The following DNM3 variants were observed in gnomAD, a reference collection of about 807,000 sequenced individuals.
DNM3 encodes the protein dynamin-3.
A neutral mutation model predicts 101.6 loss-of-function variants in DNM3; 47 were observed. The ratio of observed to expected loss-of-function variants is 0.46; its 90% confidence interval spans 0.37 to 0.59. The LOEUF (loss-of-function observed/expected upper bound fraction) is 0.59. Ranked by LOEUF, DNM3 falls within the 20% of genes least tolerant of loss-of-function variation. DNM3 has a pLI of 0.00. For missense variants in DNM3, 849 were observed against 1,085.7 expected (o/e 0.78, Z 3.06); for synonymous variants, 385 against 387.9 (o/e 0.99, Z 0.09).
chr1:172,412,494 A>T lies in DNM3; in HGVS notation c.*4653A>T. 1.0e-6 allele frequency: 1 copy of T among 985,836 alleles called. No homozygotes were observed. Among genetic ancestry groups the T allele is most frequent in the Non-Finnish European group, 1.2e-6 (1 of 829,902 alleles). The allele number at this position is 985,836 out of a possible 1,614,324, so 61.1% of individuals were successfully genotyped here. A position where few individuals can be genotyped will look rare whatever the true frequency, so the allele number is the denominator to read the frequency against. On this transcript the variant is annotated 3_prime_UTR_variant, in exon 21 of 21. Coordinates refer to ENST00000627582, the MANE Select transcript of DNM3 (RefSeq NM_015569.5). ...GTTTGAAGAAGGAATATACAGAAGTAAAATCTTGTCTTCTCTGCTGATTCT... is the reference window on the plus strand; with the variant it reads ...GTTTGAAGAAGGAATATACAGAAGTTAAATCTTGTCTTCTCTGCTGATTCT...
intron 4 of DNM3, among the ~76,000 whole-genome samples, chr1:172,011,621 C>G (rs1003562999): frequency 2.6e-5 from 4 of 151,932 alleles, no homozygotes; most frequent in Admixed American, 2.6e-4. Flanking sequence ...AAAGATATGC[C>G]TGAACTCTGT....
rs779195998 is a variant in DNM3, at chr1:172,323,311, T to C, written c.1882-18T>C. 2.5e-6 allele frequency: 4 copies of C among 1,596,104 alleles called. No homozygotes were observed. The highest frequency in any genetic ancestry group is 1.7e-6 in the Non-Finnish European group (2 of 1,170,584). The stretch of plus-strand genomic sequence containing the variant: ...TTTAACATATTTCTCTTTCTTTTCC[T>C]TGCGGCTACATGCATAGGGGAACAA... On this transcript the variant is annotated intron_variant, in intron 16 of 20. Transcript: ENST00000627582.
intron 14 of DNM3, among the ~76,000 whole-genome samples, chr1:172,150,715 A>T (rs1429105920): frequency 2.0e-5 from 3 of 152,142 alleles, no homozygotes; most frequent in East Asian, 3.9e-4. Flanking sequence ...GCTTGTTATG[A>T]TGCTTCCTTG....
chr1:171,931,775 C>T lies in DNM3; in HGVS notation c.235+9954C>T, dbSNP rs116797225. Among the ~76,000 whole-genome samples the T allele has an allele frequency of 5.4e-3, 828 of 152,184 alleles. 10 individuals carry two copies. The highest frequency in any genetic ancestry group is 0.019 in the African/African-American group (783 of 41,522). The stretch of plus-strand genomic sequence containing the variant: ...TTTATAATTTGCTTTAAATATCTCA[C>T]CTGGCAGGGCTGTAGTCCTCTCCCA... On this transcript the variant is annotated intron_variant, in intron 2 of 20. Transcript: ENST00000627582.
Position 172,408,049 on chromosome 1 carries a change from G to T in DNM3, c.*208G>T. The stretch of plus-strand genomic sequence containing the variant: ...CTCAGAAACTGCTAACCTTTTAGAG[G>T]CTTTATATGTTGTACTGACCAAGGT... On this transcript the variant is annotated 3_prime_UTR_variant, in exon 21 of 21. Coordinates refer to ENST00000627582, the MANE Select transcript of DNM3 (RefSeq NM_015569.5). 7.1e-7 allele frequency: 1 copy of T among 1,417,064 alleles called. No individual in the cohort carries two copies. Among genetic ancestry groups the T allele is most frequent in the African/African-American group, 1.4e-5 (1 of 69,288 alleles). 87.8% of individuals were successfully genotyped at this position (1,417,064 alleles called of 1,614,324 possible).
intron 18 of DNM3, chr1:172,380,609 A>G (rs2068843325): frequency 6.6e-6 from 1 of 152,082 alleles, no homozygotes; most frequent in Non-Finnish European, 1.5e-5. Flanking sequence ...CGCCCCTTTG[A>G]GTTGAAGTCA....
At chr1:172,255,522 T>G (rs2062361759) in intron 15 of DNM3, among the ~76,000 whole-genome samples, 1 of 152,280 alleles carries the variant, frequency 6.6e-6, no homozygotes, top group Middle Eastern at 3.4e-3. Context: ...TATGGTAGAC[T>G]ATCATTTTTC....
chr1:172,400,195 G>C lies in DNM3; in HGVS notation c.2523-7577G>C, dbSNP rs542598776. Among the ~76,000 whole-genome samples, 24 of 152,176 alleles carry C rather than the reference G, an allele frequency of 1.6e-4. No homozygotes were observed. In the South Asian group the frequency reaches 4.8e-3, roughly 30 times the overall value. On this transcript the variant is annotated intron_variant, in intron 20 of 20. Transcript: ENST00000627582. ...AAGCGGACACTTGCCTCGCCCAGTA[G>C]CTAGTTCTCAGCACCTCCTTTCTGC...
At chr1:172,200,011 T>C (rs2060095920) in intron 14 of DNM3, among the ~76,000 whole-genome samples, 1 of 152,128 alleles carries the variant, frequency 6.6e-6, no homozygotes, top group Non-Finnish European at 1.5e-5. Context: ...CACTGGTCCA[T>C]GTGTTTAAGT....
rs377334915 is a variant in DNM3 at position 172,371,918 on chromosome 1, A to T, written c.1894-7100A>T. ...TATTTATTTATTTATTTATTTATTTATTTTTTATTATTATACTTTAAGTTT... is the reference window on the plus strand; with the variant it reads ...TATTTATTTATTTATTTATTTATTTTTTTTTTATTATTATACTTTAAGTTT... On this transcript the variant is annotated intron_variant, in intron 17 of 20. Coordinates refer to ENST00000627582, the MANE Select transcript of DNM3 (RefSeq NM_015569.5). 4.5e-5 allele frequency among the ~76,000 whole-genome samples: 6 copies of T among 133,226 alleles called. No homozygotes were observed. In the South Asian group the frequency reaches 6.9e-4, roughly 15 times the overall value. The allele number at this position is 133,226 out of a possible 152,430, so 87.4% of individuals were successfully genotyped here. A position where few individuals can be genotyped will look rare whatever the true frequency, so the allele number is the denominator to read the frequency against.
chr1:172,413,519 A>G (rs1466538643), downstream of DNM3, among the ~76,000 whole-genome samples: 1 of 152,182 alleles, frequency 6.6e-6, no homozygotes, highest in East Asian at 1.9e-4. Flanking sequence ...GAGCCACCGC[A>G]CCCGGCCCAG....
rs775932636 is a variant in DNM3, at chr1:172,290,849, A to T, written c.1770-17879A>T. 4.8e-4 allele frequency among the ~76,000 whole-genome samples: 73 copies of T among 152,270 alleles called. 1 individual carries two copies. Among genetic ancestry groups the T allele is most frequent in the South Asian group, 1.7e-3 (8 of 4,812 alleles). The stretch of plus-strand genomic sequence containing the variant: ...TGAGAGAACCCTGGGACACCCCCAG[A>T]ATTTAAAGGCCTTTAAGAGGAAGAC... On this transcript the variant is annotated intron_variant, in intron 15 of 20. Coordinates refer to ENST00000627582, the MANE Select transcript of DNM3 (RefSeq NM_015569.5).
chr1:172,276,095 C>A (rs1264268906), intron 15 of DNM3, among the ~76,000 whole-genome samples: 1 of 151,970 alleles, frequency 6.6e-6, no homozygotes, highest in Non-Finnish European at 1.5e-5. Context: ...AGTTAGCAAG[C>A]CTCCCCCCAT....
In DNM3 at chr1:171,975,250, G is replaced by T. The variant is rs113314492; in HGVS notation, c.236-12406G>T. Among the ~76,000 whole-genome samples, 1,359 of 152,234 alleles carry T rather than the reference G, an allele frequency of 8.9e-3. 26 individuals are homozygous for T. The highest frequency in any genetic ancestry group is 0.031 in the African/African-American group (1,288 of 41,534). On this transcript the variant is annotated intron_variant, in intron 2 of 20. Transcript: ENST00000627582. Reference sequence around the variant, plus strand: ...ATTTCTACCATTTCTAAGCAAAAGCGTCTTATCAGATGAATTGGCTCGGCA... The same window carrying T: ...ATTTCTACCATTTCTAAGCAAAAGCTTCTTATCAGATGAATTGGCTCGGCA...
intron 14 of DNM3, among the ~76,000 whole-genome samples, chr1:172,182,287 G>A (rs1005909223): frequency 3.3e-5 from 5 of 151,832 alleles, no homozygotes; most frequent in Non-Finnish European, 5.9e-5. Context: ...CATAAAAATG[G>A]AGATAATAAT....
At chr1:172,269,862 G>A (rs936587647) in intron 15 of DNM3, among the ~76,000 whole-genome samples, 2 of 152,110 alleles carry the variant, frequency 1.3e-5, no homozygotes, top group East Asian at 3.9e-4. Context: ...AGGGAGCAGA[G>A]CTCTTCAGAA....
intron 2 of DNM3, among the ~76,000 whole-genome samples, chr1:171,928,890 G>A (rs904240928): frequency 1.6e-4 from 24 of 152,174 alleles, no homozygotes; most frequent in African/African-American, 5.5e-4. Context: ...TAGTCACTTT[G>A]AATTTTCTAG....
rs1185212960 is a variant in DNM3 at position 171,914,403 on chromosome 1, G to A, written c.162-7345G>A. Among the ~76,000 whole-genome samples, 6 of 151,712 alleles carry A rather than the reference G, an allele frequency of 4.0e-5. 1 individual carries two copies. In the South Asian group the frequency reaches 6.3e-4, roughly 16 times the overall value. ...AACTCCCAACCTCAGGTGATCTGCC[G>A]GCCTCGGCCTCCCAAAGTGCTGGGA... is the stretch of plus-strand genomic sequence containing the variant. On this transcript the variant is annotated intron_variant, in intron 1 of 20. Transcript: ENST00000627582.
intron 1 of DNM3, among the ~76,000 whole-genome samples, chr1:171,844,263 A>T (rs1388842937): frequency 6.6e-6 from 1 of 152,196 alleles, no homozygotes; most frequent in Non-Finnish European, 1.5e-5. Context: ...CAATAAAAAC[A>T]GTTTCTTTCC....
Sources: allele counts gnomAD v4.1 joint callset (sites outside exome capture counted in the v4.1 genomes callset), GRCh38; gene constraint gnomAD v4.1.1; transcripts MANE v1.5; gene names NCBI Gene and HGNC (gene_info 2026-07-23, HGNC 2026-07-21).